Variants in RBFOX1 observed in about 807,000 individuals in gnomAD.
RBFOX1 encodes the protein RNA binding protein fox-1 homolog 1.
A neutral mutation model predicts 57.7 loss-of-function variants in RBFOX1; 8 were observed. The observed-to-expected ratio is 0.14, with a 90% CI of 0.08 to 0.25. The LOEUF is 0.25. Ranked by LOEUF, RBFOX1 falls within the 10% of genes least tolerant of loss-of-function variation. The pLI is 1.00. For synonymous variants in RBFOX1, 326 were observed against 222.4 expected (o/e 1.47, Z -4.15); for missense variants, 611 against 548.5 (o/e 1.11, Z -1.14).
At chr16:6,591,984 T>C (rs1472977523) in intron 2 of RBFOX1, among the ~76,000 whole-genome samples, 5 of 152,222 alleles carry the variant, frequency 3.3e-5, no homozygotes, top group Non-Finnish European at 5.9e-5. Context: ...GTGGGCTGTA[T>C]GACTTCCTAA....
At chr16:5,881,171 CA>C (rs1361329238) in intron 4 of RBFOX1, among the ~76,000 whole-genome samples, 1 of 152,182 alleles carries the variant, frequency 6.6e-6, no homozygotes, top group Non-Finnish European at 1.5e-5. Flanking sequence ...CTTGGATCCC[CA>C]GTGAAGAATC....
chr16:7,348,058 T>G (rs1047905458), intron 4 of RBFOX1, among the ~76,000 whole-genome samples: 3 of 152,268 alleles, frequency 2.0e-5, no homozygotes, highest in African/African-American at 7.2e-5. Flanking sequence ...CTTTGACTTC[T>G]GTTTAACAGA....
In RBFOX1 at chr16:6,368,264, C is replaced by A. The variant is rs976400598; in HGVS notation, c.-64+51207C>A. On this transcript the variant is annotated intron_variant, in intron 2 of 15. Transcript: ENST00000550418. Reference sequence around the variant, plus strand: ...CTGGATCTCTCTTAATCCAGGCTTTCCAGAAAAATGGTGCTGGGACCACCC... The same window carrying A: ...CTGGATCTCTCTTAATCCAGGCTTTACAGAAAAATGGTGCTGGGACCACCC... 6.6e-5 allele frequency among the ~76,000 whole-genome samples: 10 copies of A among 152,206 alleles called. No homozygotes were observed. The East Asian group carries it at 1.9e-3, about 29-fold the overall frequency.
chr16:6,095,336 C>T (rs997161468), intron 1 of RBFOX1, among the ~76,000 whole-genome samples: 2 of 152,186 alleles, frequency 1.3e-5, no homozygotes, highest in East Asian at 1.9e-4. Flanking sequence ...TTTAGGACAT[C>T]TCCCTTATTT....
chr16:5,609,763 T>C (rs2047708611), intron 3 of RBFOX1, among the ~76,000 whole-genome samples: 1 of 152,108 alleles, frequency 6.6e-6, no homozygotes, highest in Non-Finnish European at 1.5e-5. Context: ...TCCCTAAGAC[T>C]TGTTAATCTC....
At chr16:5,944,471 G>A (rs372216162) in intron 4 of RBFOX1, among the ~76,000 whole-genome samples, 13 of 152,082 alleles carry the variant, frequency 8.5e-5, no homozygotes, top group East Asian at 3.9e-4. Context: ...TATGGCCGTG[G>A]CCTTTAGCTG....
chr16:5,605,439 C>A (rs1280802658), intron 3 of RBFOX1, among the ~76,000 whole-genome samples: 2 of 152,206 alleles, frequency 1.3e-5, no homozygotes, highest in Non-Finnish European at 2.9e-5. Flanking sequence ...TATCTGTACT[C>A]AGTAGGGAAG....
At chr16:7,151,808 A>G (rs1324142638) in intron 4 of RBFOX1, among the ~76,000 whole-genome samples, 2 of 152,104 alleles carry the variant, frequency 1.3e-5, no homozygotes, top group African/African-American at 4.8e-5. Context: ...TTAGATTCTC[A>G]TAAGCCACAT....
rs1051379653 is a variant in RBFOX1 at position 7,382,744 on chromosome 16, C to G, written c.28-135403C>G. On this transcript the variant is annotated intron_variant, in intron 4 of 15. Transcript: ENST00000550418. The stretch of plus-strand genomic sequence containing the variant: ...ACATCCCGCTATTTGTATGTACGTT[C>G]CAAAGCCAGCATACATTAAATAGAA... Among the ~76,000 whole-genome samples the G allele has an allele frequency of 1.1e-4, 17 of 152,348 alleles. 2 individuals carry two copies. The highest frequency in any genetic ancestry group is 9.1e-4 in the Admixed American group (14 of 15,302).
chr16:6,188,353 G>A (rs1447010614), intron 1 of RBFOX1, among the ~76,000 whole-genome samples: 1 of 135,332 alleles, frequency 7.4e-6, no homozygotes, highest in Non-Finnish European at 1.6e-5. Flanking sequence ...ATTTTCTCCA[G>A]AAGACCAAGA....
chr16:6,232,771 G>GTCTTGC (rs906522333), intron 1 of RBFOX1, among the ~76,000 whole-genome samples: 1 of 152,094 alleles, frequency 6.6e-6, no homozygotes, highest in African/African-American at 2.4e-5. Context: ...TGACCTCGAG[G>GTCTTGC]TCTTGCTCAG....
At chr16:6,760,830 G>C (rs2076495915) in intron 3 of RBFOX1, among the ~76,000 whole-genome samples, 1 of 152,166 alleles carries the variant, frequency 6.6e-6, no homozygotes, top group Admixed American at 6.5e-5. Flanking sequence ...AACACCAACA[G>C]TGTGTGGCCC....
At chr16:6,064,388 T>C (rs901122922) in intron 1 of RBFOX1, among the ~76,000 whole-genome samples, 1 of 152,144 alleles carries the variant, frequency 6.6e-6, no homozygotes, top group African/African-American at 2.4e-5. Flanking sequence ...CCTTCCTACC[T>C]CCACAAAATT....
chr16:5,954,209 T>G (rs1194879545), intron 4 of RBFOX1, among the ~76,000 whole-genome samples: 1 of 152,164 alleles, frequency 6.6e-6, no homozygotes, highest in East Asian at 1.9e-4. Context: ...TCATCACATA[T>G]TCAGGCTGGC....
chr16:6,191,414 C>G (rs74316601), intron 1 of RBFOX1, among the ~76,000 whole-genome samples: 1,934 of 152,182 alleles, frequency 0.013, 56 homozygotes, highest in African/African-American at 0.044. Context: ...CTTTGAGTCA[C>G]TCTTGAGAAT....
chr16:6,083,665 C>T (rs1043161878), intron 1 of RBFOX1, among the ~76,000 whole-genome samples: 2 of 151,908 alleles, frequency 1.3e-5, no homozygotes, highest in Admixed American at 6.6e-5. Flanking sequence ...TTTGTAGACA[C>T]GGGGTCTCAC....
At chr16:5,461,635 C>A (rs922993057) in intron 1 of RBFOX1, among the ~76,000 whole-genome samples, 3 of 152,160 alleles carry the variant, frequency 2.0e-5, no homozygotes, top group Non-Finnish European at 4.4e-5. Flanking sequence ...TGGATTCAAG[C>A]CCGAGCCTTG....
At chr16:6,999,689 T>G (rs2092618110) in intron 3 of RBFOX1, among the ~76,000 whole-genome samples, 1 of 152,080 alleles carries the variant, frequency 6.6e-6, no homozygotes, top group African/African-American at 2.4e-5. Context: ...AAATATACTA[T>G]TATTATTAAA....
At chr16:5,882,429 G>A (rs889109714) in intron 4 of RBFOX1, among the ~76,000 whole-genome samples, 2 of 152,120 alleles carry the variant, frequency 1.3e-5, no homozygotes, top group African/African-American at 4.8e-5. Flanking sequence ...CCTCCCATTG[G>A]CCAGAACTCA....
Sources: allele counts gnomAD v4.1 joint callset (sites outside exome capture counted in the v4.1 genomes callset), GRCh38; gene constraint gnomAD v4.1.1; transcripts MANE v1.5; gene names NCBI Gene and HGNC (gene_info 2026-07-23, HGNC 2026-07-21).